SERPIND1: variants seen among roughly 807,000 people sequenced by gnomAD.
The protein encoded by SERPIND1 is serpin family D member 1, also known as heparin cofactor 2.
In SERPIND1, 34 loss-of-function variants were observed where a neutral mutation model predicts 35.0. The ratio of observed to expected loss-of-function variants is 0.97; its 90% CI spans 0.74 to 1.29. The LOEUF (loss-of-function observed/expected upper bound fraction) is 1.29, where lower values mean the gene tolerates loss of function less well. Ranked by LOEUF, SERPIND1 falls within the 50% of genes most tolerant of loss-of-function variation. The probability of loss-of-function intolerance (pLI) is 0.00; values close to 1 mark genes in which losing one functional copy is unlikely to be tolerated. For missense variants in SERPIND1, 633 were observed against 637.7 expected, an observed-to-expected ratio of 0.99 and a Z score of 0.08; for synonymous variants, 236 against 241.1, an observed-to-expected ratio of 0.98 and a Z score of 0.19.
At chr22:20,784,457 G>A (rs1019076771) in intron 3 of SERPIND1, among the ~76,000 whole-genome samples, 4 of 152,194 alleles carry the variant, frequency 2.6e-5, no homozygotes, top group African/African-American at 7.2e-5. Context: ...CTGCCCTCTA[G>A]GGGCCAGTTT....
chr22:20,774,780 A>T (rs978146298), intron 1 of SERPIND1, among the ~76,000 whole-genome samples: 1 of 151,676 alleles, frequency 6.6e-6, no homozygotes, highest in African/African-American at 2.4e-5. Context: ...AAAAAAGAAG[A>T]AAAAAGAAAA....
intron 3 of SERPIND1, among the ~76,000 whole-genome samples, chr22:20,784,611 G>A (rs758237018): frequency 6.6e-6 from 1 of 152,068 alleles, no homozygotes; most frequent in Non-Finnish European, 1.5e-5. Context: ...GATGCTGAGC[G>A]CCCCTCCCAG....
Position 20,779,406 on chromosome 22 carries a change from G to T in SERPIND1, c.94G>T (p.Gly32Trp). 1 of 1,614,226 alleles carries T rather than the reference G, an allele frequency of 6.2e-7. No homozygotes were observed. The highest frequency in any genetic ancestry group is 1.6e-4 in the Middle Eastern group (1 of 6,062). The change falls in exon 2 of 5, where the codon GGG becomes TGG. Residue 32 changes from glycine to tryptophan, a missense_variant. Gly to Trp is a radical substitution (Grantham distance 184, BLOSUM62 -2). Transcript: ENST00000215727. ...CCCGCTGGATCAGCTAGAGAAAGGAGGGGAAACTGCTCAGTCTGCAGATCC... is the reference window on the plus strand; with the variant it reads ...CCCGCTGGATCAGCTAGAGAAAGGATGGGAAACTGCTCAGTCTGCAGATCC... The part of the protein sequence containing the change: ...KGPLDQLEKG[G>W]ETAQSADPQW...
chr22:20,774,845 A>G (rs888192053), intron 1 of SERPIND1, among the ~76,000 whole-genome samples: 1 of 152,154 alleles, frequency 6.6e-6, no homozygotes, highest in Non-Finnish European at 1.5e-5. Flanking sequence ...TAGAAGAAAA[A>G]ATGTGTATGT....
rs1934291579 is a variant in SERPIND1 at position 20,786,971 on chromosome 22, T to C, written c.1405T>C (p.Phe469Leu). The change falls in exon 5 of 5, where the codon TTC becomes CTC. Residue 469 changes from phenylalanine to leucine, a missense_variant. Physicochemically the swap from Phe to Leu is conservative, Grantham distance 22 (BLOSUM62 0). Transcript: ENST00000215727. ...GFMPLSTQVR[F>L]TVDRPFLFLI... ...CATGCCGCTGTCCACCCAAGTCCGC[T>C]TCACTGTCGACCGCCCCTTTCTTTT... is the stretch of plus-strand genomic sequence containing the variant. 1.9e-6 allele frequency: 3 copies of C among 1,614,070 alleles called. No individual in the cohort carries two copies. Among genetic ancestry groups the C allele is most frequent in the Admixed American group, 1.7e-5 (1 of 60,008 alleles).
rs112532281 is a variant in SERPIND1, at chr22:20,786,149, G to T, written c.1308+1G>T. On this transcript the variant is annotated splice_donor_variant, in intron 4 of 4. Transcript: ENST00000215727. LOFTEE classifies it high-confidence loss of function. ...AGACCAAAGGATCGCCATCGACCTG[G>T]TAACCACTCCCTTGTCCACCCCCGA... The T allele has an allele frequency of 6.2e-7, 1 of 1,613,992 alleles. No homozygotes were observed. The highest frequency in any genetic ancestry group is 8.5e-7 in the Non-Finnish European group (1 of 1,179,980).
At chr22:20,780,800 A>T (rs1465436292) in intron 2 of SERPIND1, among the ~76,000 whole-genome samples, 2 of 151,634 alleles carry the variant, frequency 1.3e-5, no homozygotes, top group African/African-American at 4.8e-5. Flanking sequence ...AAGAAGTAAA[A>T]CGATGCTCCA....
At chr22:20,777,560 C>T (rs781387467) in intron 1 of SERPIND1, among the ~76,000 whole-genome samples, 1 of 152,154 alleles carries the variant, frequency 6.6e-6, no homozygotes, top group Non-Finnish European at 1.5e-5. Context: ...TGCTATGTTG[C>T]CCACACTGGT....
chr22:20,777,174 G>A (rs1569020175), intron 1 of SERPIND1, among the ~76,000 whole-genome samples: 1 of 151,764 alleles, frequency 6.6e-6, no homozygotes, highest in Non-Finnish European at 1.5e-5. Flanking sequence ...AAGTAGATGG[G>A]ACCACAGGCG....
At chr22:20,774,830 T>C (rs1933132782) in intron 1 of SERPIND1, among the ~76,000 whole-genome samples, 2 of 150,434 alleles carry the variant, frequency 1.3e-5, no homozygotes, top group African/African-American at 4.9e-5. Flanking sequence ...TACTCTCAAA[T>C]GGTCTAGAAG....
chr22:20,777,408 G>C (rs1884008878), intron 1 of SERPIND1, among the ~76,000 whole-genome samples: 1 of 152,072 alleles, frequency 6.6e-6, no homozygotes, highest in South Asian at 2.1e-4. Context: ...TGTAGAGACA[G>C]GGTTTCTCCA....
Position 20,784,005 on chromosome 22 carries a change from C to T in SERPIND1, c.923C>T (p.Thr308Ile). The T allele has an allele frequency of 6.2e-7, 1 of 1,614,200 alleles. No homozygotes were observed. The stretch of plus-strand genomic sequence containing the variant: ...GTGAATAAATTCCCAGTGGAAATGA[C>T]ACACAACCACAACTTCCGGCTGAAT... ...SWVNKFPVEM[T>I]HNHNFRLNER... The change falls in exon 3 of 5, where the codon ACA becomes ATA. Residue 308 changes from threonine (T) to isoleucine (I), a missense_variant. Transcript: ENST00000215727.
At chr22:20,778,958 G>C (rs930492022) in intron 1 of SERPIND1, among the ~76,000 whole-genome samples, 2 of 152,186 alleles carry the variant, frequency 1.3e-5, no homozygotes, top group Non-Finnish European at 2.9e-5. Flanking sequence ...ACTAAACACT[G>C]TCTGGAGGTG....
rs760202640 is a variant in SERPIND1, at chr22:20,787,551, T to C, written c.*485T>C. On this transcript the variant is annotated 3_prime_UTR_variant, in exon 5 of 5. Transcript: ENST00000215727. The stretch of plus-strand genomic sequence containing the variant: ...AGGGAAGAAGCCACCTCAAGACATA[T>C]GAGGGGTGCCCTGGGCTAATGTTAG... 1 of 212,772 alleles carries C rather than the reference T, an allele frequency of 4.7e-6. No homozygotes were observed. The highest frequency in any genetic ancestry group is 9.6e-6 in the Non-Finnish European group (1 of 104,396). The allele number at this position is 212,772 out of a possible 1,614,324, so 13.2% of individuals were successfully genotyped here.
rs930125664 is a variant in SERPIND1, at chr22:20,779,794, C to G, written c.482C>G (p.Ala161Gly). 2 of 1,614,186 alleles carry G rather than the reference C, an allele frequency of 1.2e-6. No individual in the cohort carries two copies. The highest frequency in any genetic ancestry group is 4.5e-5 in the East Asian group (2 of 44,886). The change falls in exon 2 of 5, where the codon GCG becomes GGG. Residue 161 changes from alanine (A) to glycine (G), a missense_variant. Coordinates refer to ENST00000215727, the MANE Select transcript of SERPIND1 (RefSeq NM_000185.4). ...ATAGCACCCGTTGGCATTTCTACTG[C>G]GATGGGTATGATTTCCTTAGGTCTG... ...IFIAPVGIST[A>G]MGMISLGLKG...
In SERPIND1 at chr22:20,784,212, T is replaced by C. The variant is rs1569029258; in HGVS notation, c.1130T>C (p.Val377Ala). The C allele has an allele frequency of 6.2e-7, 1 of 1,613,946 alleles. No individual in the cohort carries two copies. Among genetic ancestry groups the C allele is most frequent in the Admixed American group, 1.7e-5 (1 of 59,998 alleles). The change falls in exon 3 of 5, where the codon GTG becomes GCG. Residue 377 changes from valine to alanine, a missense_variant. Val to Ala is a moderately conservative substitution (Grantham distance 64). Coordinates refer to ENST00000215727, the MANE Select transcript of SERPIND1 (RefSeq NM_000185.4). ...CTCGAAGCGCAACTGACACCCCGGG[T>C]GGTGGAGAGATGGCAAAAAAGCATG... Reference protein sequence around the residue: ...KTLEAQLTPRVVERWQKSMTN... With the variant: ...KTLEAQLTPRAVERWQKSMTN...
chr22:20,779,177 G>A, intron 1 of SERPIND1, 120 bp from the exon 2 acceptor site: 1 of 1,565,104 alleles, frequency 6.4e-7, no homozygotes, highest in Non-Finnish European at 8.6e-7. Context: ...AAACAGTTAA[G>A]AACTAATGCT....
chr22:20,785,316 T>C (rs1333145248), intron 3 of SERPIND1, among the ~76,000 whole-genome samples: 1 of 152,224 alleles, frequency 6.6e-6, no homozygotes, highest in Non-Finnish European at 1.5e-5. Flanking sequence ...GCAGTCCTCC[T>C]GCCTTGGCCT....
chr22:20,782,626 C>T (rs1933884874), intron 2 of SERPIND1, among the ~76,000 whole-genome samples: 1 of 152,190 alleles, frequency 6.6e-6, no homozygotes, highest in Non-Finnish European at 1.5e-5. Flanking sequence ...TCCATCCAAA[C>T]TGAAAGGGCC....
Sources: allele counts gnomAD v4.1 joint callset (sites outside exome capture counted in the v4.1 genomes callset), GRCh38; gene constraint gnomAD v4.1.1; transcripts MANE v1.5; gene names NCBI Gene and HGNC (gene_info 2026-07-23, HGNC 2026-07-21).